GRID2: variants seen among roughly 807,000 people sequenced by gnomAD.
GRID2 encodes glutamate ionotropic receptor delta type subunit 2.
GRID2 carries 33 observed loss-of-function variants against 114.8 expected under a neutral mutation model. The observed-to-expected ratio is 0.29, with a 90% CI of 0.22 to 0.38. The LOEUF is 0.38. Among genes scored for constraint, GRID2 ranks in the 10% least tolerant of loss-of-function variants. The pLI, the probability that GRID2 is intolerant of heterozygous loss-of-function variation, is 1.00. For missense variants in GRID2, 1,184 were observed against 1,257.7 expected (o/e 0.94, Z 0.89); for synonymous variants, 505 against 449.9 (o/e 1.12, Z -1.55).
intron 2 of GRID2, among the ~76,000 whole-genome samples, chr4:92,888,128 A>G (rs1172424616): frequency 6.6e-6 from 1 of 152,206 alleles, no homozygotes; most frequent in Non-Finnish European, 1.5e-5. Flanking sequence ...CAAAGAGAGA[A>G]GTTTATGAAA....
intron 1 of GRID2, among the ~76,000 whole-genome samples, chr4:93,798,391 A>G (rs1319371413): frequency 1.3e-5 from 2 of 152,072 alleles, no homozygotes; most frequent in African/African-American, 4.8e-5. Context: ...GCATCTTACT[A>G]GATAACAAGT....
chr4:92,732,533 G>T (rs548484325), intron 2 of GRID2, among the ~76,000 whole-genome samples: 2 of 152,146 alleles, frequency 1.3e-5, no homozygotes, highest in African/African-American at 4.8e-5. Flanking sequence ...GGGCTCTATT[G>T]TCTTAGCTTG....
chr4:93,446,103 G>A (rs550914109), intron 10 of GRID2, among the ~76,000 whole-genome samples: 57 of 152,072 alleles, frequency 3.7e-4, no homozygotes, highest in Non-Finnish European at 7.2e-4. Context: ...AGCTCAGCAG[G>A]AAGCATAATA....
chr4:92,443,897 A>G (rs1027220778), intron 1 of GRID2, among the ~76,000 whole-genome samples: 1 of 152,222 alleles, frequency 6.6e-6, no homozygotes, highest in African/African-American at 2.4e-5. Flanking sequence ...GACCGGCACC[A>G]GAGTTTTGGG....
In GRID2 at chr4:93,227,438, A is replaced by G. The variant is rs150757279; in HGVS notation, c.1125+2663A>G. ...GAGACGGGGTTTCATCATGTTGGCC[A>G]GGCCGTTCTTGATCTCCTGACCTCA... On this transcript the variant is annotated intron_variant, in intron 7 of 15. Transcript: ENST00000282020. Among the ~76,000 whole-genome samples the G allele has an allele frequency of 4.4e-4, 67 of 152,150 alleles. 1 individual carries two copies. The East Asian group carries it at 9.9e-3, about 22-fold the overall frequency.
In GRID2 at chr4:93,157,245, C is replaced by A. The variant is rs144184710; in HGVS notation, c.735+46292C>A. 4.3e-3 allele frequency among the ~76,000 whole-genome samples: 651 copies of A among 151,622 alleles called. 9 individuals carry two copies. The highest frequency in any genetic ancestry group is 0.015 in the African/African-American group (628 of 41,434). ...ACATTATTTGTGAGACTCGAAACAC[C>A]CTGAAAATGTAGGCTCCCCAGTTCC... is the stretch of plus-strand genomic sequence containing the variant. On this transcript the variant is annotated intron_variant, in intron 4 of 15. Transcript: ENST00000282020.
chr4:93,587,069 G>A (rs899900270), intron 13 of GRID2, among the ~76,000 whole-genome samples: 1 of 151,978 alleles, frequency 6.6e-6, no homozygotes, highest in Non-Finnish European at 1.5e-5. Flanking sequence ...TAAAGACTTA[G>A]ATCTCTTCTC....
intron 2 of GRID2, among the ~76,000 whole-genome samples, chr4:92,799,291 C>G (rs1464876335): frequency 6.6e-6 from 1 of 151,834 alleles, no homozygotes; most frequent in African/African-American, 2.4e-5. Context: ...CCTGTGATAA[C>G]CTAATGCTGC....
At chr4:92,445,554 A>G (rs542083355) in intron 1 of GRID2, among the ~76,000 whole-genome samples, 16 of 152,226 alleles carry the variant, frequency 1.1e-4, no homozygotes, top group Non-Finnish European at 1.5e-4. Context: ...AAAAGGAGCA[A>G]TGGTGGAAAT....
intron 2 of GRID2, among the ~76,000 whole-genome samples, chr4:92,873,609 A>G (rs2149448738): frequency 6.6e-6 from 1 of 152,322 alleles, no homozygotes; most frequent in African/African-American, 2.4e-5. Flanking sequence ...ATCTAAAGCT[A>G]AAATTACTTC....
rs76286139 is a variant in GRID2 at position 93,147,060 on chromosome 4, T to C, written c.735+36107T>C. On this transcript the variant is annotated intron_variant, in intron 4 of 15. Transcript: ENST00000282020. ...AAGGTCTATGCCATATTTTTTGGTT[T>C]AACATTTTACTGTAATGAAATTTGA... is the stretch of plus-strand genomic sequence containing the variant. Among the ~76,000 whole-genome samples, 77 of 152,320 alleles carry C rather than the reference T, an allele frequency of 5.1e-4. No homozygotes were observed. The East Asian group carries it at 8.1e-3, about 16-fold the overall frequency.
rs1177461693 is a variant in GRID2 at position 92,823,855 on chromosome 4, A to AG, written c.244+233570dup. Among the ~76,000 whole-genome samples the AG allele has an allele frequency of 2.6e-5, 4 of 152,296 alleles. No individual in the cohort carries two copies. In the East Asian group the frequency reaches 7.7e-4, roughly 29 times the overall value. ...CCTAGGAGTGTGCATTGTCCACCCC[A>AG]GTGCCTGACAGGTCGAACTGTTTGT... On this transcript the variant is annotated intron_variant, in intron 2 of 15. Transcript: ENST00000282020.
In GRID2 at chr4:92,812,234, TGA is replaced by T. The variant is rs544477902; in HGVS notation, c.244+221951_244+221952del. On this transcript the variant is annotated intron_variant, in intron 2 of 15. Coordinates refer to ENST00000282020, the MANE Select transcript of GRID2 (RefSeq NM_001510.4). The stretch of plus-strand genomic sequence containing the variant: ...TAAGTGGATGTTTATTATCTGTGAG[TGA>T]GATATATGTCAGTTTAGACATTTAA... 2.1e-3 allele frequency among the ~76,000 whole-genome samples: 322 copies of T among 152,228 alleles called. 1 individual carries two copies. Among genetic ancestry groups the T allele is most frequent in the African/African-American group, 7.4e-3 (308 of 41,572 alleles).
At chr4:93,456,398 G>A (rs1261165188) in intron 11 of GRID2, among the ~76,000 whole-genome samples, 47 of 152,140 alleles carry the variant, frequency 3.1e-4, no homozygotes, top group Non-Finnish European at 8.8e-5. Flanking sequence ...ATTATTTCAT[G>A]CATTAAAAAT....
At chr4:93,653,073 G>C (rs1722728369) in intron 14 of GRID2, among the ~76,000 whole-genome samples, 1 of 152,128 alleles carries the variant, frequency 6.6e-6, no homozygotes, top group African/African-American at 2.4e-5. Context: ...TTGATTATTA[G>C]TTGTCTGAGA....
intron 8 of GRID2, chr4:93,302,636 A>G (rs1409184964): frequency 2.2e-6 from 1 of 455,158 alleles, no homozygotes; most frequent in African/African-American, 2.0e-5. Context: ...TCTTCTGTAC[A>G]CTTGCAAAGG....
chr4:92,338,421 T>C (rs1432469457), intron 1 of GRID2, among the ~76,000 whole-genome samples: 1 of 152,138 alleles, frequency 6.6e-6, no homozygotes, highest in Non-Finnish European at 1.5e-5. Context: ...CTAAATATTG[T>C]CTACTGACAC....
At chr4:92,703,384 A>T (rs1021365671) in intron 2 of GRID2, among the ~76,000 whole-genome samples, 1 of 152,040 alleles carries the variant, frequency 6.6e-6, no homozygotes, top group African/African-American at 2.4e-5. Flanking sequence ...AAAAATACTG[A>T]CTTTAAAGAA....
intron 2 of GRID2, among the ~76,000 whole-genome samples, chr4:92,698,844 G>T (rs990280874): frequency 4.6e-5 from 7 of 151,980 alleles, no homozygotes; most frequent in African/African-American, 1.7e-4. Context: ...AAGACAAAAA[G>T]TGAATATTGT....
Sources: gnomAD v4.1 joint callset for allele counts (sites outside exome capture counted in the v4.1 genomes callset) on GRCh38, gnomAD v4.1.1 for gene constraint, MANE v1.5 for transcripts, NCBI Gene and HGNC (gene_info 2026-07-23, HGNC 2026-07-21) for gene names.